Variants in GNAQ observed in about 807,000 individuals in gnomAD.
GNAQ encodes G protein subunit alpha q, also known as guanine nucleotide-binding protein G(q) subunit alpha.
GNAQ carries 8 observed loss-of-function variants against 43.9 expected under a neutral mutation model. The ratio of observed to expected loss-of-function variants is 0.18; its 90% CI spans 0.11 to 0.33. The LOEUF is 0.33. Among genes scored for constraint, GNAQ ranks in the 10% least tolerant of loss-of-function variants. The probability of loss-of-function intolerance (pLI) is 1.00; values close to 1 mark genes in which losing one functional copy is unlikely to be tolerated. For missense variants in GNAQ, 158 were observed against 450.8 expected, an observed-to-expected ratio of 0.35 and a Z score of 5.88; for synonymous variants, 155 against 170.7, an observed-to-expected ratio of 0.91 and a Z score of 0.71.
intron 2 of GNAQ, among the ~76,000 whole-genome samples, chr9:77,898,691 T>C (rs922779501): frequency 2.0e-5 from 3 of 152,096 alleles, no homozygotes; most frequent in East Asian, 3.8e-4. Context: ...ATACAATTTA[T>C]AGCAGGAAAA....
chr9:77,917,045 T>C (rs1266823854), intron 2 of GNAQ, among the ~76,000 whole-genome samples: 1 of 152,198 alleles, frequency 6.6e-6, no homozygotes, highest in East Asian at 1.9e-4. Flanking sequence ...ACAACATGTC[T>C]GGCATGTTAC....
chr9:77,782,458 C>T (rs1466673051), intron 5 of GNAQ, among the ~76,000 whole-genome samples: 2 of 152,116 alleles, frequency 1.3e-5, no homozygotes, highest in African/African-American at 4.8e-5. Context: ...CTACTACACA[C>T]CTATTAGAAT....
At chr9:77,938,522 C>T (rs1023733098) in intron 1 of GNAQ, among the ~76,000 whole-genome samples, 40 of 152,156 alleles carry the variant, frequency 2.6e-4, no homozygotes, top group African/African-American at 9.4e-4. Context: ...AAGGCCCACA[C>T]AGGAGGTAAG....
intron 2 of GNAQ, among the ~76,000 whole-genome samples, chr9:77,895,992 C>T (rs766128131): frequency 6.6e-5 from 10 of 152,060 alleles, no homozygotes; most frequent in Admixed American, 1.3e-4. Context: ...TGCCCAGTCT[C>T]GGGTATGTCT....
At chr9:78,015,842 T>C (rs914707358) in intron 1 of GNAQ, among the ~76,000 whole-genome samples, 10 of 152,216 alleles carry the variant, frequency 6.6e-5, no homozygotes, top group South Asian at 4.1e-4. Flanking sequence ...TGTAATAAAA[T>C]GCAAAGCCTT....
At chr9:77,995,587 C>G (rs906271886) in intron 1 of GNAQ, among the ~76,000 whole-genome samples, 1 of 152,104 alleles carries the variant, frequency 6.6e-6, no homozygotes, top group Non-Finnish European at 1.5e-5. Flanking sequence ...AACTCCTGGA[C>G]TCAAGTGACC....
At chr9:77,885,787 CAAG>C (rs1214218888) in intron 2 of GNAQ, among the ~76,000 whole-genome samples, 1 of 138,982 alleles carries the variant, frequency 7.2e-6, no homozygotes. Context: ...AGAGAAAGAA[CAAG>C]AACAAGGACC....
intron 2 of GNAQ, among the ~76,000 whole-genome samples, chr9:77,838,932 AT>A (rs904152081): frequency 6.6e-6 from 1 of 152,072 alleles, no homozygotes; most frequent in African/African-American, 2.4e-5. Context: ...GAAAAAAAAA[AT>A]CTACTGTAAA....
chr9:77,844,983 T>C (rs1827559305), intron 2 of GNAQ, among the ~76,000 whole-genome samples: 1 of 152,202 alleles, frequency 6.6e-6, no homozygotes, highest in African/African-American at 2.4e-5. Flanking sequence ...AAATTAGAAA[T>C]CTTTTTAAAA....
At chr9:77,748,370 G>A (rs1825762180) in intron 5 of GNAQ, among the ~76,000 whole-genome samples, 1 of 152,170 alleles carries the variant, frequency 6.6e-6, no homozygotes, top group Admixed American at 6.5e-5. Flanking sequence ...AAGATGAGAG[G>A]ATTCAACTAC....
intron 2 of GNAQ, among the ~76,000 whole-genome samples, chr9:77,886,947 A>G (rs1828317061): frequency 8.6e-6 from 1 of 116,602 alleles, no homozygotes; most frequent in Admixed American, 1.0e-4. Context: ...CATCTCTACT[A>G]AAGAAATACA....
intron 2 of GNAQ, among the ~76,000 whole-genome samples, chr9:77,832,735 G>A (rs1402241287): frequency 6.6e-6 from 1 of 152,076 alleles, no homozygotes; most frequent in Non-Finnish European, 1.5e-5. Flanking sequence ...TTAAACCTAC[G>A]ATGCCTCGGA....
At chr9:78,027,686 G>A (rs940284609) in intron 1 of GNAQ, among the ~76,000 whole-genome samples, 1 of 150,598 alleles carries the variant, frequency 6.6e-6, no homozygotes, top group African/African-American at 2.5e-5. Context: ...GGGAGGCGGA[G>A]GTTGCAGTGA....
chr9:77,977,230 T>G (rs756439708), intron 1 of GNAQ, among the ~76,000 whole-genome samples: 10 of 152,086 alleles, frequency 6.6e-5, no homozygotes, highest in Non-Finnish European at 1.3e-4. Context: ...GTTAGCTCCT[T>G]CCCTGGCCCT....
intron 1 of GNAQ, among the ~76,000 whole-genome samples, chr9:77,932,042 T>C (rs1829160621): frequency 2.0e-5 from 3 of 152,100 alleles, no homozygotes; most frequent in Admixed American, 1.3e-4. Context: ...TACCCAAAAT[T>C]CACAAAGAAT....
chr9:77,967,543 T>C (rs1823183679), intron 1 of GNAQ, among the ~76,000 whole-genome samples: 2 of 152,154 alleles, frequency 1.3e-5, no homozygotes, highest in South Asian at 2.1e-4. Context: ...AAAAATATCA[T>C]GGTGACTCAA....
chr9:77,793,120 T>C (rs1325711047), intron 5 of GNAQ, among the ~76,000 whole-genome samples: 3 of 152,124 alleles, frequency 2.0e-5, no homozygotes, highest in African/African-American at 7.2e-5. Context: ...AGGGATTATG[T>C]AACAAACAAG....
intron 1 of GNAQ, among the ~76,000 whole-genome samples, chr9:77,976,426 T>G (rs1823303452): frequency 6.6e-6 from 1 of 152,200 alleles, no homozygotes; most frequent in South Asian, 2.1e-4. Context: ...AGAGTCTCGC[T>G]CTGTTGCCCA....
chr9:77,739,468 AACTT>A (rs1252917200), intron 5 of GNAQ, among the ~76,000 whole-genome samples: 1 of 152,194 alleles, frequency 6.6e-6, no homozygotes, highest in Admixed American at 6.5e-5. Context: ...GTTTCTTACT[AACTT>A]GTCATTTTGA....
Sources: gnomAD v4.1 joint callset for allele counts (sites outside exome capture counted in the v4.1 genomes callset) on GRCh38, gnomAD v4.1.1 for gene constraint, MANE v1.5 for transcripts, NCBI Gene and HGNC (gene_info 2026-07-23, HGNC 2026-07-21) for gene names.